The following PFDN1 variants were observed in gnomAD, a reference collection of about 807,000 sequenced individuals.
PFDN1 encodes the protein prefoldin 1.
PFDN1 carries 6 observed loss-of-function variants against 17.3 expected under a neutral mutation model. The observed-to-expected ratio is 0.35, with a 90% confidence interval of 0.19 to 0.69. PFDN1 has a LOEUF of 0.69. PFDN1 is among the 30% of genes least tolerant of loss of function. The pLI is 0.65. For synonymous variants in PFDN1, 58 were observed against 50.1 expected (o/e 1.16, Z -0.67); for missense variants, 113 against 146.2 (o/e 0.77, Z 1.17).
At chr5:140,263,849 G>C (rs548427067) in intron 3 of PFDN1, among the ~76,000 whole-genome samples, 1 of 151,322 alleles carries the variant, frequency 6.6e-6, no homozygotes, top group Non-Finnish European at 1.5e-5. Context: ...GTGAAACCCC[G>C]TCTCTACTAA....
At chr5:140,256,642 A>G (rs1237172239) in intron 3 of PFDN1, among the ~76,000 whole-genome samples, 2 of 148,860 alleles carry the variant, frequency 1.3e-5, no homozygotes, top group African/African-American at 5.0e-5. Context: ...TGCTCAATGT[A>G]AAAAACAAAA....
intron 2 of PFDN1, among the ~76,000 whole-genome samples, chr5:140,282,283 T>C (rs1765416981): frequency 6.6e-6 from 1 of 151,226 alleles, no homozygotes; most frequent in Admixed American, 6.6e-5. Flanking sequence ...AAATATATCA[T>C]ACGCTAAGAG....
intron 3 of PFDN1, among the ~76,000 whole-genome samples, chr5:140,253,170 G>C (rs527678840): frequency 6.6e-6 from 1 of 152,178 alleles, no homozygotes. Flanking sequence ...CTTCAGAAAA[G>C]AAAGACAGAA....
intron 3 of PFDN1, among the ~76,000 whole-genome samples, chr5:140,252,750 A>C (rs935774121): frequency 6.6e-6 from 1 of 152,198 alleles, no homozygotes; most frequent in East Asian, 1.9e-4. Flanking sequence ...AGGGGAAACA[A>C]GACAAAAACA....
chr5:140,286,222 C>T (rs1018583434), intron 2 of PFDN1, among the ~76,000 whole-genome samples: 1 of 151,292 alleles, frequency 6.6e-6, no homozygotes, highest in Non-Finnish European at 1.5e-5. Flanking sequence ...ACCCGCCTGG[C>T]CAACATGGTG....
intron 3 of PFDN1, chr5:140,273,875 T>A: frequency 1.0e-6 from 1 of 983,722 alleles, no homozygotes; most frequent in African/African-American, 1.7e-5. Context: ...TGCATGTGCC[T>A]AAAATATAAC....
In PFDN1 at chr5:140,300,460, C is replaced by T; in HGVS notation, c.156G>A (p.Met52Ile). ...KHAHLTDTEI[M>I]TLVDETNMYE... ...ACATGTTAGTCTCATCTACCAAAGT[C>T]ATGATCTCTGTATCTGTAAGATGTG... The change falls in exon 2 of 4, where the codon ATG (methionine) becomes ATA (isoleucine). Residue 52 changes from methionine (M) to isoleucine (I), a missense_variant. Transcript: ENST00000261813. 2 of 1,611,494 alleles carry T rather than the reference C, an allele frequency of 1.2e-6. No homozygotes were observed. The highest frequency in any genetic ancestry group is 1.7e-6 in the Non-Finnish European group (2 of 1,177,762).
chr5:140,266,804 CA>C (rs1346342644), intron 3 of PFDN1, among the ~76,000 whole-genome samples: 2 of 152,240 alleles, frequency 1.3e-5, no homozygotes, highest in Non-Finnish European at 2.9e-5. Context: ...CAGTGATCAT[CA>C]ACAGCTTTAC....
At chr5:140,272,205 A>G (rs1765216165) in intron 3 of PFDN1, among the ~76,000 whole-genome samples, 1 of 151,898 alleles carries the variant, frequency 6.6e-6, no homozygotes, top group South Asian at 2.1e-4. Context: ...TTTTTAGTAG[A>G]GACAGGATTT....
intron 2 of PFDN1, among the ~76,000 whole-genome samples, chr5:140,291,440 G>A (rs1186113829): frequency 6.6e-6 from 1 of 152,188 alleles, no homozygotes; most frequent in Non-Finnish European, 1.5e-5. Flanking sequence ...AATACTGAGA[G>A]AGGAGATGGT....
chr5:140,259,911 T>C (rs576736016), intron 3 of PFDN1, among the ~76,000 whole-genome samples: 26 of 152,324 alleles, frequency 1.7e-4, no homozygotes, highest in East Asian at 7.7e-4. Context: ...AGCAAAGGAT[T>C]TGTACAGGTG....
intron 1 of PFDN1, 123 bp from the exon 2 acceptor site, chr5:140,300,705 T>A: frequency 1.6e-6 from 1 of 614,296 alleles, no homozygotes; most frequent in Non-Finnish European, 2.8e-6. Flanking sequence ...TTACCAAACA[T>A]CAATAAAAGT....
intron 3 of PFDN1, among the ~76,000 whole-genome samples, chr5:140,264,896 G>A (rs1345550126): frequency 1.3e-5 from 2 of 152,130 alleles, no homozygotes; most frequent in Non-Finnish European, 2.9e-5. Context: ...AGCAATGTGT[G>A]TGTACATAAT....
At chr5:140,284,816 C>T (rs6580498) in intron 2 of PFDN1, among the ~76,000 whole-genome samples, 116,985 of 152,220 alleles carry the variant, frequency 0.77, 46,057 homozygotes, top group African/African-American at 0.94. Context: ...ATCAGTGCCA[C>T]GTGCCTCTGC....
intron 2 of PFDN1, among the ~76,000 whole-genome samples, chr5:140,288,933 C>A (rs1463329578): frequency 6.6e-6 from 1 of 151,360 alleles, no homozygotes; most frequent in Admixed American, 6.6e-5. Flanking sequence ...TGCAGTGAGC[C>A]GAGATCACAC....
intron 3 of PFDN1, among the ~76,000 whole-genome samples, chr5:140,263,916 G>A (rs561895864): frequency 2.9e-4 from 44 of 150,656 alleles, no homozygotes; most frequent in South Asian, 1.5e-3. Context: ...AGCTACTCAG[G>A]AGGCTGAAGC....
At chr5:140,261,946 G>A (rs959023095) in intron 3 of PFDN1, among the ~76,000 whole-genome samples, 7 of 152,044 alleles carry the variant, frequency 4.6e-5, no homozygotes, top group South Asian at 2.1e-4. Flanking sequence ...CGTCACAGCC[G>A]CCCAGCTGCC....
intron 1 of PFDN1, 87 bp downstream of exon 1, chr5:140,302,954 A>C (rs1765770180): frequency 1.0e-6 from 1 of 968,462 alleles, no homozygotes. Flanking sequence ...TTCCTTCTGC[A>C]AGGCTCGTGC....
At position 140,274,954 on chromosome 5, in the gene PFDN1, C is replaced by CGTG. The variant is rs563550774; in HGVS notation, c.285+6494_285+6495insCAC. ...ATTGCAGTGAGCCGAGATTGTGATA[C>CGTG]TGCACCCCAGCCTGGGTAACAAAGC... is the stretch of plus-strand genomic sequence containing the variant. On this transcript the variant is annotated intron_variant, in intron 3 of 3. Transcript: ENST00000261813. Among the ~76,000 whole-genome samples the CGTG allele has an allele frequency of 1.1e-3, 156 of 147,394 alleles. No homozygotes were observed. The South Asian group carries it at 0.022, about 20-fold the overall frequency.
Sources: allele counts gnomAD v4.1 joint callset (sites outside exome capture counted in the v4.1 genomes callset), GRCh38; gene constraint gnomAD v4.1.1; transcripts MANE v1.5; gene names NCBI Gene and HGNC (gene_info 2026-07-23, HGNC 2026-07-21).